Variants in KIAA0586 observed in about 807,000 individuals in gnomAD.
KIAA0586 encodes KIAA0586, also known as protein TALPID3.
KIAA0586 carries 144 observed loss-of-function variants against 169.8 expected under a neutral mutation model. The ratio of observed to expected loss-of-function variants is 0.85; its 90% confidence interval spans 0.74 to 0.97. The LOEUF is 0.97. Ranked by LOEUF, KIAA0586 falls within the 50% of genes least tolerant of loss-of-function variation. The pLI, the probability that KIAA0586 is intolerant of heterozygous loss-of-function variation, is 0.00. For missense variants in KIAA0586, 1,854 were observed against 1,823.0 expected (o/e 1.02, Z -0.31); for synonymous variants, 625 against 612.4 (o/e 1.02, Z -0.30).
At chr14:58,431,323 C>T (rs1374873224) in intron 3 of KIAA0586, among the ~76,000 whole-genome samples, 4 of 152,114 alleles carry the variant, frequency 2.6e-5, no homozygotes, top group South Asian at 4.1e-4. Context: ...GGTGCAGTGG[C>T]GTAATCTCAG....
the KIAA0586 span, among the ~76,000 whole-genome samples, chr14:58,559,934 T>G: frequency 3.0e-4 from 45 of 152,166 alleles, no homozygotes; most frequent in Non-Finnish European, 5.0e-4. Context: ...GGGCAGATCA[T>G]GAAGTCAGGA....
intron 12 of KIAA0586, among the ~76,000 whole-genome samples, chr14:58,459,493 T>G (rs2040153834): frequency 6.6e-6 from 1 of 152,140 alleles, no homozygotes; most frequent in African/African-American, 2.4e-5. Context: ...TGTTTGCTTT[T>G]TTTGAAATGT....
intron 21 of KIAA0586, among the ~76,000 whole-genome samples, chr14:58,483,498 G>A (rs1026494819): frequency 9.2e-5 from 14 of 151,854 alleles, no homozygotes; most frequent in Admixed American, 5.2e-4. Flanking sequence ...TAACATTGGC[G>A]TGTTAATAAT....
downstream of KIAA0586, among the ~76,000 whole-genome samples, chr14:58,553,352 T>C (rs1028515783): frequency 6.6e-6 from 1 of 152,162 alleles, no homozygotes; most frequent in Non-Finnish European, 1.5e-5. Context: ...AGAGGCAGGT[T>C]AGCAGATGAA....
intron 1 of KIAA0586, 56 bp from the exon 2 acceptor site, chr14:58,429,307 C>G (rs2037164729): frequency 9.3e-7 from 1 of 1,075,980 alleles, no homozygotes; most frequent in Admixed American, 1.7e-5. Context: ...TATACAGTTT[C>G]TAAAGCTAAG....
In KIAA0586 at chr14:58,458,484, A is replaced by T; in HGVS notation, c.1595A>T (p.Glu532Val). The T allele has an allele frequency of 6.5e-7, 1 of 1,534,468 alleles. No individual in the cohort carries two copies. The highest frequency in any genetic ancestry group is 1.2e-5 in the South Asian group (1 of 82,570). The change falls in exon 12 of 31, where the codon GAG (glutamate) becomes GTG (valine). Residue 532 changes from glutamate to valine, a missense_variant. Glu to Val is a moderately radical substitution (Grantham distance 121). Coordinates refer to ENST00000652326, the MANE Select transcript of KIAA0586 (RefSeq NM_001329943.3). ...TTTCTCTTTTATAGAGAGATGTCAG[A>T]GAAAATTAGGATCAGAAAGACAGTG... is the stretch of plus-strand genomic sequence containing the variant. ...NALSTNREMS[E>V]KIRIRKTVDE...
At chr14:58,471,014 G>C (rs955766723) in intron 17 of KIAA0586, among the ~76,000 whole-genome samples, 1 of 152,032 alleles carries the variant, frequency 6.6e-6, no homozygotes. Flanking sequence ...ACCACGCCCG[G>C]CTAATTTTTG....
At chr14:58,523,035 A>T (rs11851196) in intron 29 of KIAA0586, among the ~76,000 whole-genome samples, 1 of 152,058 alleles carries the variant, frequency 6.6e-6, no homozygotes, top group Non-Finnish European at 1.5e-5. Context: ...ATGCATATCT[A>T]TATATAATAT....
chr14:58,452,579 T>C (rs942515870), intron 8 of KIAA0586, among the ~76,000 whole-genome samples: 14 of 152,244 alleles, frequency 9.2e-5, no homozygotes, highest in African/African-American at 3.4e-4. Flanking sequence ...TCTTTACTAA[T>C]TTATAAAAGT....
chr14:58,488,062 A>G lies in KIAA0586; in HGVS notation c.3480A>G (p.Glu1160=). ...KPWGDGDLPL[E]EENPNSPQEE... ...GGGGTGATGGAGACCTGCCACTGGA[A>G]GAAGAGAACCCTAACTCACCTCAAG... Residue 1160 remains glutamate, a synonymous_variant, in exon 23 of 31, where the codon GAA becomes GAG. Transcript: ENST00000652326. The G allele has an allele frequency of 6.2e-7, 1 of 1,610,118 alleles. No homozygotes were observed. The highest frequency in any genetic ancestry group is 8.5e-7 in the Non-Finnish European group (1 of 1,178,180).
intron 28 of KIAA0586, among the ~76,000 whole-genome samples, chr14:58,510,907 A>G (rs1411192331): frequency 6.6e-6 from 1 of 152,170 alleles, no homozygotes; most frequent in African/African-American, 2.4e-5. Context: ...AAATTTTAGA[A>G]AATGCAAACT....
intron 29 of KIAA0586, among the ~76,000 whole-genome samples, chr14:58,514,708 G>C (rs2044629353): frequency 6.6e-6 from 1 of 151,952 alleles, no homozygotes; most frequent in Non-Finnish European, 1.5e-5. Context: ...TATCTTTGGA[G>C]CCTTTAAGAG....
intron 19 of KIAA0586, among the ~76,000 whole-genome samples, chr14:58,475,225 C>T (rs1257611645): frequency 2.0e-5 from 3 of 152,298 alleles, no homozygotes; most frequent in East Asian, 3.9e-4. Context: ...GCCTGAGCTC[C>T]ACCTCCTGTC....
chr14:58,455,740 C>T (rs1027611792), intron 9 of KIAA0586, among the ~76,000 whole-genome samples: 2 of 152,016 alleles, frequency 1.3e-5, no homozygotes, highest in South Asian at 4.1e-4. Context: ...GAGCATGCCT[C>T]CAGTGCCTGG....
At chr14:58,430,515 A>T (rs2037271050) in intron 2 of KIAA0586, 133 bp from the exon 3 acceptor site, 3 of 549,454 alleles carry the variant, frequency 5.5e-6, no homozygotes, top group Middle Eastern at 9.5e-4. Flanking sequence ...TTGCATGATG[A>T]TGGAAATGAA....
Position 58,482,672 on chromosome 14 carries a change from G to A in KIAA0586, c.3104G>A (p.Gly1035Asp), listed in dbSNP as rs77860620. The A allele has an allele frequency of 6.8e-4, 1,077 of 1,588,580 alleles. 21 individuals carry two copies. In the East Asian group the frequency reaches 0.019, roughly 28 times the overall value. The change falls in exon 21 of 31, where the codon GGT becomes GAT. Residue 1035 changes from glycine to aspartate, a missense_variant. Physicochemically the swap from Gly to Asp is moderately conservative, Grantham distance 94. Coordinates refer to ENST00000652326, the MANE Select transcript of KIAA0586 (RefSeq NM_001329943.3). ...EAKKQGPVAT[G>D]VSGDASTNET... The stretch of plus-strand genomic sequence containing the variant: ...AAGAAGCAAGGTCCTGTTGCTACAG[G>A]TGTTTCTGGGGATGCTTCAACAAAT...
chr14:58,435,576 C>A (rs1197543753), intron 4 of KIAA0586, among the ~76,000 whole-genome samples: 2 of 152,250 alleles, frequency 1.3e-5, no homozygotes, highest in Non-Finnish European at 2.9e-5. Context: ...CTGACTTATT[C>A]CTCCTATGTA....
chr14:58,515,101 C>CTA (rs2044657169), intron 29 of KIAA0586, among the ~76,000 whole-genome samples: 1 of 151,014 alleles, frequency 6.6e-6, no homozygotes, highest in Non-Finnish European at 1.5e-5. Flanking sequence ...GTCAAACATA[C>CTA]TATATACTAC....
chr14:58,470,251 A>G (rs1031426345), intron 16 of KIAA0586, among the ~76,000 whole-genome samples: 2 of 152,116 alleles, frequency 1.3e-5, no homozygotes, highest in East Asian at 1.9e-4. Flanking sequence ...TATGAAGTCT[A>G]TACAAAAGCA....
Sources: gnomAD v4.1 joint callset for allele counts (sites outside exome capture counted in the v4.1 genomes callset) on GRCh38, gnomAD v4.1.1 for gene constraint, MANE v1.5 for transcripts, NCBI Gene and HGNC (gene_info 2026-07-23, HGNC 2026-07-21) for gene names.